The following NINL variants were observed in gnomAD, a reference collection of about 807,000 sequenced individuals.
NINL encodes ninein-like protein.
In NINL, 153 loss-of-function variants were observed where a neutral mutation model predicts 160.3. The observed-to-expected ratio is 0.95, with a 90% CI of 0.84 to 1.09. NINL has a LOEUF of 1.09. Among genes scored for constraint, NINL ranks in the 50% least tolerant of loss-of-function variants. The pLI, the probability that NINL is intolerant of heterozygous loss-of-function variation, is 0.00. For missense variants in NINL, 1,829 were observed against 1,764.0 expected (o/e 1.04, Z -0.66); for synonymous variants, 800 against 734.8 (o/e 1.09, Z -1.43).
At chr20:25,462,642 ATTTGTTTTGT>A (rs113237945) in intron 19 of NINL, 101 bp from the exon 20 acceptor site, 25 of 837,972 alleles carry the variant, frequency 3.0e-5, no homozygotes, top group Middle Eastern at 3.6e-4. Flanking sequence ...TTAAGTAGTC[ATTTGTTTTGT>A]TTTGTTTTGT....
At position 25,453,418 on chromosome 20, in the gene NINL, G is replaced by A. The variant is rs771745583; in HGVS notation, c.*33C>T. 1.3e-6 allele frequency: 2 copies of A among 1,551,198 alleles called. No individual in the cohort carries two copies. Among genetic ancestry groups the A allele is most frequent in the South Asian group, 1.2e-5 (1 of 81,922 alleles). On this transcript the variant is annotated 3_prime_UTR_variant, in exon 24 of 24. Transcript: ENST00000278886. Reference sequence around the variant, plus strand: ...CACAGTGGCTTAATTTAAAAGATGTGCTTTCGAATGAATCCTAGAAAATAA... The same window carrying A: ...CACAGTGGCTTAATTTAAAAGATGTACTTTCGAATGAATCCTAGAAAATAA...
rs529002623 is a variant in NINL, at chr20:25,476,676, G to T, written c.2615C>A (p.Ala872Glu). The T allele has an allele frequency of 6.3e-7, 1 of 1,589,078 alleles. No individual in the cohort carries two copies. Among genetic ancestry groups the T allele is most frequent in the East Asian group, 2.2e-5 (1 of 44,468 alleles). Residue 872 changes from alanine to glutamate, a missense_variant, in exon 17 of 24, where the codon GCG (alanine) becomes GAG (glutamate). Transcript: ENST00000278886. ...APGDGRESEE[A>E]AGAGPRRRQA... Reference sequence around the variant, plus strand: ...CCTGCGGCGAGGCCCGGCTCCTGCCGCCTCCTCAGACTCTCTGCCATCACC... The same window carrying T: ...CCTGCGGCGAGGCCCGGCTCCTGCCTCCTCCTCAGACTCTCTGCCATCACC...
intron 2 of NINL, among the ~76,000 whole-genome samples, chr20:25,525,016 C>G (rs936482364): frequency 6.6e-6 from 1 of 151,646 alleles, no homozygotes; most frequent in Non-Finnish European, 1.5e-5. Context: ...ATAAATGTGC[C>G]TTTTGCTCAT....
At chr20:25,570,152 C>T (rs1026585065) in intron 1 of NINL, among the ~76,000 whole-genome samples, 1 of 152,154 alleles carries the variant, frequency 6.6e-6, no homozygotes, top group Non-Finnish European at 1.5e-5. Context: ...TGCACTCCAG[C>T]CTGGGCGACA....
chr20:25,461,763 C>A, intron 20 of NINL, 128 bp from the exon 21 acceptor site: 5 of 641,134 alleles, frequency 7.8e-6, no homozygotes, highest in Non-Finnish European at 1.1e-5. Context: ...GTGAACCCAC[C>A]AACCAAGGCC....
chr20:25,557,361 T>C (rs2064878323), intron 1 of NINL, among the ~76,000 whole-genome samples: 1 of 152,024 alleles, frequency 6.6e-6, no homozygotes, highest in Non-Finnish European at 1.5e-5. Context: ...CAAAACCCTG[T>C]CTCTACTAAA....
chr20:25,492,154 G>T (rs754242699), intron 10 of NINL, among the ~76,000 whole-genome samples: 2 of 152,106 alleles, frequency 1.3e-5, no homozygotes, highest in African/African-American at 4.8e-5. Context: ...GCCTGGTGAC[G>T]CCCATAACCA....
intron 8 of NINL, chr20:25,498,935 G>A (rs2063813018): frequency 1.0e-6 from 1 of 985,352 alleles, no homozygotes; most frequent in Admixed American, 6.1e-5. Context: ...ACAAAAAATA[G>A]AGTCACACAC....
At chr20:25,483,706 G>C (rs944072903) in intron 13 of NINL, among the ~76,000 whole-genome samples, 1 of 152,256 alleles carries the variant, frequency 6.6e-6, no homozygotes, top group Non-Finnish European at 1.5e-5. Flanking sequence ...GCTTAATTGT[G>C]CTCCCACTTT....
chr20:25,564,483 A>G (rs1479177677), intron 1 of NINL, among the ~76,000 whole-genome samples: 1 of 151,820 alleles, frequency 6.6e-6, no homozygotes, highest in Admixed American at 6.6e-5. Context: ...AGGCCCAACT[A>G]ATTTTCATAT....
At chr20:25,517,968 G>T in intron 2 of NINL, 119 bp from the exon 3 acceptor site, 1 of 539,550 alleles carries the variant, frequency 1.9e-6, no homozygotes, top group Non-Finnish European at 3.2e-6. Context: ...TTTAGAATGA[G>T]AACATTCACG....
At chr20:25,523,013 T>C (rs2064290329) in intron 2 of NINL, among the ~76,000 whole-genome samples, 1 of 152,170 alleles carries the variant, frequency 6.6e-6, no homozygotes, top group African/African-American at 2.4e-5. Context: ...CCACAGATAC[T>C]CAAGTCCTTT....
chr20:25,459,896 T>A (rs183359679), intron 21 of NINL, among the ~76,000 whole-genome samples: 1 of 152,158 alleles, frequency 6.6e-6, no homozygotes, highest in East Asian at 1.9e-4. Flanking sequence ...GGGAAAGACG[T>A]CCCCAGGGGA....
At chr20:25,530,681 G>A (rs6107050) in intron 1 of NINL, among the ~76,000 whole-genome samples, 36,642 of 151,898 alleles carry the variant, frequency 0.24, 4,809 homozygotes, top group East Asian at 0.57. Flanking sequence ...GGTAGGTTCC[G>A]TGATGCCCCC....
chr20:25,498,248 T>C lies in NINL; in HGVS notation c.1131A>G (p.Ala377=). 1 of 1,613,152 alleles carries C rather than the reference T, an allele frequency of 6.2e-7. No homozygotes were observed. ...LMTVDSAVQQ[A]ALACYHQELS... ...GCTCCTGGTGGTAGCAGGCCAGGGCTGCCTGCTGGACGGCACTGTCCACTG... is the reference window on the plus strand; with the variant it reads ...GCTCCTGGTGGTAGCAGGCCAGGGCCGCCTGCTGGACGGCACTGTCCACTG... The change falls in exon 9 of 24, where the codon GCA becomes GCG. Residue 377 remains alanine, a synonymous_variant. Transcript: ENST00000278886.
chr20:25,494,627 G>T (rs138498655), intron 10 of NINL, among the ~76,000 whole-genome samples: 230 of 152,300 alleles, frequency 1.5e-3, no homozygotes, highest in African/African-American at 5.3e-3. Flanking sequence ...GGCGGGGTGA[G>T]GCCCCGCCCT....
chr20:25,572,834 A>G (rs1212912220), intron 1 of NINL, among the ~76,000 whole-genome samples: 1 of 152,202 alleles, frequency 6.6e-6, no homozygotes, highest in Non-Finnish European at 1.5e-5. Context: ...TAGTAAACTG[A>G]ATTATAAGGA....
chr20:25,479,391 G>T (rs2063339271), intron 15 of NINL, among the ~76,000 whole-genome samples, 185 bp from the exon 16 acceptor site: 1 of 152,214 alleles, frequency 6.6e-6, no homozygotes, highest in Non-Finnish European at 1.5e-5. Flanking sequence ...CCAGGGCCTA[G>T]TGAGGTGTGA....
intron 13 of NINL, chr20:25,488,930 T>G (rs2063560356): frequency 2.9e-6 from 1 of 344,644 alleles, no homozygotes; most frequent in Non-Finnish European, 5.5e-6. Context: ...CTGCGTCCAC[T>G]GCGCCCTGCA....
Sources: gnomAD v4.1 joint callset for allele counts (sites outside exome capture counted in the v4.1 genomes callset) on GRCh38, gnomAD v4.1.1 for gene constraint, MANE v1.5 for transcripts, NCBI Gene and HGNC (gene_info 2026-07-23, HGNC 2026-07-21) for gene names.